Variants in SGCZ observed in about 807,000 individuals in gnomAD.
The protein encoded by SGCZ is zeta-sarcoglycan.
In SGCZ, 40 loss-of-function variants were observed where a neutral mutation model predicts 41.3. That is an observed-to-expected ratio of 0.97 (90% confidence interval 0.75 to 1.26). SGCZ has a LOEUF of 1.26. SGCZ is among the 50% of genes most tolerant of loss of function. The pLI, the probability that SGCZ is intolerant of heterozygous loss-of-function variation, is 0.00. For missense variants in SGCZ, 552 were observed against 369.8 expected (o/e 1.49, Z -4.04); for synonymous variants, 206 against 137.5 (o/e 1.50, Z -3.49).
chr8:14,753,835 T>C (rs1051337337), intron 1 of SGCZ, among the ~76,000 whole-genome samples: 5 of 152,230 alleles, frequency 3.3e-5, no homozygotes, highest in Non-Finnish European at 5.9e-5. Context: ...TGGACAACTT[T>C]CACTAGCTGC....
intron 1 of SGCZ, among the ~76,000 whole-genome samples, chr8:14,836,764 A>C (rs1294926779): frequency 6.6e-6 from 1 of 152,164 alleles, no homozygotes; most frequent in Middle Eastern, 3.2e-3. Flanking sequence ...GGCTTCCCAA[A>C]GTGCTCAGAT....
At chr8:14,630,235 GA>G (rs1806600448) in intron 1 of SGCZ, among the ~76,000 whole-genome samples, 1 of 128,860 alleles carries the variant, frequency 7.8e-6, no homozygotes. Flanking sequence ...CATGTGTTTT[GA>G]TTTTTTTTTT....
At chr8:14,665,559 A>G (rs1284565765) in intron 1 of SGCZ, among the ~76,000 whole-genome samples, 1 of 152,174 alleles carries the variant, frequency 6.6e-6, no homozygotes, top group Non-Finnish European at 1.5e-5. Flanking sequence ...TGGTATTTCT[A>G]AACTCTTATC....
At chr8:14,961,574 A>C (rs1800967534) in intron 1 of SGCZ, among the ~76,000 whole-genome samples, 1 of 152,154 alleles carries the variant, frequency 6.6e-6, no homozygotes, top group African/African-American at 2.4e-5. Context: ...TACTTACCTA[A>C]TTTATAAATT....
intron 1 of SGCZ, among the ~76,000 whole-genome samples, chr8:14,577,934 C>G (rs1007405414): frequency 6.6e-6 from 1 of 152,080 alleles, no homozygotes; most frequent in Non-Finnish European, 1.5e-5. Flanking sequence ...AGAGTATAAT[C>G]ATTGTTGATG....
chr8:14,730,544 A>ATGTGGGAGTTGAACAATGAGAACATGT (rs1479227838), intron 1 of SGCZ, among the ~76,000 whole-genome samples: 2 of 152,122 alleles, frequency 1.3e-5, no homozygotes, highest in African/African-American at 4.8e-5. Flanking sequence ...GAAGGGAATC[A>ATGTGGGAGTTGAACAATGAGAACATGT]GAAACAACAT....
chr8:14,384,312 C>T (rs1804487530), intron 2 of SGCZ, among the ~76,000 whole-genome samples: 1 of 152,040 alleles, frequency 6.6e-6, no homozygotes, highest in Non-Finnish European at 1.5e-5. Flanking sequence ...TTTTTTATGG[C>T]TGCACAGTTG....
intron 1 of SGCZ, among the ~76,000 whole-genome samples, chr8:15,095,451 T>C (rs1180503316): frequency 6.6e-6 from 1 of 152,202 alleles, no homozygotes; most frequent in African/African-American, 2.4e-5. Flanking sequence ...AGATGCATAG[T>C]TTCTTTTTGT....
At chr8:15,005,109 C>T (rs917370221) in intron 1 of SGCZ, among the ~76,000 whole-genome samples, 40 of 152,164 alleles carry the variant, frequency 2.6e-4, no homozygotes, top group African/African-American at 9.4e-4. Context: ...AAGGAAGCCT[C>T]ATGCCGGCTA....
Position 14,498,905 on chromosome 8 carries a change from C to T in SGCZ, c.234+55827G>A, listed in dbSNP as rs115722505. 9.0e-3 allele frequency among the ~76,000 whole-genome samples: 1,371 copies of T among 151,496 alleles called. 17 individuals are homozygous for T. The highest frequency in any genetic ancestry group is 0.031 in the African/African-American group (1,295 of 41,412). ...TTTCAGGACATTTCGATGTCTTAGT[C>T]ATTTTTTTTTTTCATGAAGAATTCT... On this transcript the variant is annotated intron_variant, in intron 2 of 7. Transcript: ENST00000382080.
chr8:14,784,913 A>AAAAAAAAAATATATAT (rs1408574493), intron 1 of SGCZ, among the ~76,000 whole-genome samples: 1 of 88,022 alleles, frequency 1.1e-5, no homozygotes, highest in African/African-American at 4.7e-5. Context: ...AAAAAAAAAA[A>AAAAAAAAAATATATAT]ATATATATAT....
chr8:14,874,691 TA>T (rs1804282558), intron 1 of SGCZ, among the ~76,000 whole-genome samples: 1 of 152,018 alleles, frequency 6.6e-6, no homozygotes, highest in Non-Finnish European at 1.5e-5. Context: ...AGTGATGTGC[TA>T]TCTTCAGTGA....
chr8:15,173,608 T>C (rs1799913688), intron 1 of SGCZ, among the ~76,000 whole-genome samples: 1 of 152,200 alleles, frequency 6.6e-6, no homozygotes. Context: ...AAAAGCTCAT[T>C]TTATGTGGTA....
At chr8:14,966,708 G>C in intron 1 of SGCZ, among the ~76,000 whole-genome samples, 2 of 152,160 alleles carry the variant, frequency 1.3e-5, no homozygotes, top group Middle Eastern at 6.8e-3. Context: ...TAATGTGCAC[G>C]CACCTGCTTT....
intron 1 of SGCZ, among the ~76,000 whole-genome samples, chr8:14,769,295 A>C (rs1440126021): frequency 2.0e-5 from 3 of 152,236 alleles, no homozygotes; most frequent in Non-Finnish European, 4.4e-5. Context: ...GGGGCTTATC[A>C]TGTGAAAAAC....
chr8:14,605,092 C>A (rs1805707095), intron 1 of SGCZ, among the ~76,000 whole-genome samples: 1 of 152,104 alleles, frequency 6.6e-6, no homozygotes, highest in Non-Finnish European at 1.5e-5. Context: ...GGGGCTACAT[C>A]CTGGCTCCCG....
At chr8:14,489,079 TC>T (rs1801765689) in intron 2 of SGCZ, among the ~76,000 whole-genome samples, 1 of 141,586 alleles carries the variant, frequency 7.1e-6, no homozygotes, top group Non-Finnish European at 1.6e-5. Flanking sequence ...ACAGAACGCA[TC>T]TTTTTTTTCA....
intron 1 of SGCZ, among the ~76,000 whole-genome samples, chr8:14,727,979 C>T (rs1308211786): frequency 6.6e-6 from 1 of 152,058 alleles, no homozygotes; most frequent in East Asian, 1.9e-4. Context: ...TACTCTGAAA[C>T]AAAAGAAGCT....
chr8:14,217,686 G>A (rs1806049284), intron 4 of SGCZ, among the ~76,000 whole-genome samples: 1 of 140,650 alleles, frequency 7.1e-6, no homozygotes, highest in Admixed American at 7.6e-5. Flanking sequence ...CTGGAGTGCA[G>A]CGGTGTGATC....
Sources: allele counts gnomAD v4.1 joint callset (sites outside exome capture counted in the v4.1 genomes callset), GRCh38; gene constraint gnomAD v4.1.1; transcripts MANE v1.5; gene names NCBI Gene and HGNC (gene_info 2026-07-23, HGNC 2026-07-21).